LLGL2: variants seen among roughly 807,000 people sequenced by gnomAD.
The protein encoded by LLGL2 is LLGL scribble cell polarity complex component 2.
In LLGL2, 81 loss-of-function variants were observed where a neutral mutation model predicts 123.2. The ratio of observed to expected loss-of-function variants is 0.66; its 90% confidence interval spans 0.55 to 0.79. The LOEUF is 0.79. Among genes scored for constraint, LLGL2 ranks in the 30% least tolerant of loss-of-function variants. The pLI, the probability that LLGL2 is intolerant of heterozygous loss-of-function variation, is 0.00. For missense variants in LLGL2, 1,273 were observed against 1,414.6 expected, an observed-to-expected ratio of 0.90 and a Z score of 1.61; for synonymous variants, 577 against 594.1, an observed-to-expected ratio of 0.97 and a Z score of 0.42.
rs1313106132 is a variant in LLGL2 at position 75,549,091 on chromosome 17, G to A, written c.75+5590G>A. Among the ~76,000 whole-genome samples the A allele has an allele frequency of 6.6e-6, 1 of 152,082 alleles. No homozygotes were observed. The highest frequency in any genetic ancestry group is 2.4e-5 in the African/African-American group (1 of 41,398). On this transcript the variant is annotated intron_variant, in intron 2 of 25. Transcript: ENST00000392550. This position sits in a 1 kb window ranked among gnomAD's most constrained non-coding sequence, Gnocchi z 4.0. Reference sequence around the variant, plus strand: ...GTTTCACCTGTGGTCTGGCTGTGTGGCCTTAGAGTGGTGGCTTCACCTCCC... The same window carrying A: ...GTTTCACCTGTGGTCTGGCTGTGTGACCTTAGAGTGGTGGCTTCACCTCCC...
At chr17:75,568,719 C>T (rs1251884866) in intron 11 of LLGL2, 26 bp downstream of exon 11, 1 of 1,613,356 alleles carries the variant, frequency 6.2e-7, no homozygotes, top group Non-Finnish European at 8.5e-7. Flanking sequence ...GCCCCAGCCC[C>T]AGCCCCACCG....
At chr17:75,535,883 A>G (rs1247790105) in intron 1 of LLGL2, among the ~76,000 whole-genome samples, 1 of 152,162 alleles carries the variant, frequency 6.6e-6, no homozygotes, top group Non-Finnish European at 1.5e-5. Context: ...TTTGCCGGCC[A>G]GGTGCAGACG....
At chr17:75,525,411 G>A (rs889164573), upstream of LLGL2, among the ~76,000 whole-genome samples, 43 of 152,216 alleles carry the variant, frequency 2.8e-4, no homozygotes, top group African/African-American at 9.6e-4. This position sits in a 1 kb window ranked among gnomAD's most constrained non-coding sequence, Gnocchi z 4.8. Context: ...AGGCGTTCCG[G>A]GAACTATTTC....
In LLGL2 at chr17:75,560,163, C is replaced by T. The variant is rs79315745; in HGVS notation, c.530+753C>T. ...CCCTGGGTGGTGATGAAGCAGGGCC[C>T]GTCTGCCCAGGGCAGGGCATGACTG... On this transcript the variant is annotated intron_variant, in intron 6 of 25. Transcript: ENST00000392550. 1.8e-4 allele frequency among the ~76,000 whole-genome samples: 28 copies of T among 152,322 alleles called. No homozygotes were observed. The East Asian group carries it at 4.3e-3, about 23-fold the overall frequency.
rs1159556057 is a variant in LLGL2, at chr17:75,549,494, C to T, written c.75+5993C>T. ...TTAGGCCCTGAACAAACAGTGTGTT[C>T]CTGACCCAGCAGCCCCTGCGGAGGG... On this transcript the variant is annotated intron_variant, in intron 2 of 25. Coordinates refer to ENST00000392550, the MANE Select transcript of LLGL2 (RefSeq NM_001031803.2). This position sits in a 1 kb window ranked among gnomAD's most constrained non-coding sequence, Gnocchi z 4.0. Among the ~76,000 whole-genome samples, 1 of 147,516 alleles carries T rather than the reference C, an allele frequency of 6.8e-6. No homozygotes were observed. Among genetic ancestry groups the T allele is most frequent in the East Asian group, 2.1e-4 (1 of 4,700 alleles).
chr17:75,562,861 C>G, intron 6 of LLGL2, 155 bp from the exon 7 acceptor site: 1 of 925,078 alleles, frequency 1.1e-6, no homozygotes, highest in Non-Finnish European at 1.6e-6. Flanking sequence ...TGAGCCACCA[C>G]GCTCGGCCAT....
intron 1 of LLGL2, among the ~76,000 whole-genome samples, chr17:75,529,833 C>G (rs1027125991): frequency 3.3e-5 from 5 of 152,008 alleles, no homozygotes; most frequent in African/African-American, 1.2e-4. Flanking sequence ...TGCACTCCAG[C>G]CTGGTGACAG....
chr17:75,558,517 G>A lies in LLGL2; in HGVS notation c.261G>A (p.Gln87=). 6.3e-7 allele frequency: 1 copy of A among 1,592,260 alleles called. No homozygotes were observed. Among genetic ancestry groups the A allele is most frequent in the Non-Finnish European group, 8.5e-7 (1 of 1,170,174 alleles). ...TQIHLLPGQC[Q]LVTLLDDNSL... ...CCGTCGTGTGCCCTCGCCAGTGCCA[G>A]CTGGTCACCCTGCTGGATGACAACA... Residue 87 remains glutamine, a synonymous_variant, in exon 5 of 26, where the codon CAG becomes CAA. Transcript: ENST00000392550. This position sits in a 1 kb window ranked among gnomAD's most constrained non-coding sequence, Gnocchi z 4.0.
intron 2 of LLGL2, among the ~76,000 whole-genome samples, chr17:75,552,053 C>T (rs554242536): frequency 2.0e-5 from 3 of 149,822 alleles, no homozygotes; most frequent in East Asian, 2.0e-4. Flanking sequence ...CATTTGAACC[C>T]GGGAGGTGGA....
chr17:75,566,854 C>T (rs992047733), intron 10 of LLGL2, among the ~76,000 whole-genome samples: 1 of 152,092 alleles, frequency 6.6e-6, no homozygotes, highest in African/African-American at 2.4e-5. Context: ...AAGGGAGATG[C>T]TGAGTAGACA....
At chr17:75,534,628 A>G (rs947075732) in intron 1 of LLGL2, among the ~76,000 whole-genome samples, 1 of 152,148 alleles carries the variant, frequency 6.6e-6, no homozygotes, top group East Asian at 1.9e-4. Context: ...CTACAAGTGT[A>G]TGCCACCATG....
Position 75,563,791 on chromosome 17 carries a change from T to C in LLGL2, c.866T>C (p.Leu289Pro), listed in dbSNP as rs769429997. Residue 289 changes from leucine to proline, a missense_variant, in exon 9 of 26, where the codon CTG becomes CCG. Transcript: ENST00000392550. ...AAAGCGATTACCAGAATCCTCTGGCTGACCACTAGGCAGGGGTAGGTATCC... is the reference window on the plus strand; with the variant it reads ...AAAGCGATTACCAGAATCCTCTGGCCGACCACTAGGCAGGGGTAGGTATCC... Reference protein sequence around the residue: ...PCKAITRILWLTTRQGLPFTI... With the variant: ...PCKAITRILWPTTRQGLPFTI... 52 of 1,613,938 alleles carry C rather than the reference T, an allele frequency of 3.2e-5. No individual in the cohort carries two copies. Among genetic ancestry groups the C allele is most frequent in the Non-Finnish European group, 4.1e-5 (48 of 1,180,046 alleles).
In LLGL2 at chr17:75,558,837, CCG is replaced by C. The variant is rs1452001586; in HGVS notation, c.371+212_371+213del. ...TCCATCCACACCACGCCTCCTCCATCCGCACCCCACCTCCTCCATCCGCACCC... is the reference window on the plus strand; with the variant it reads ...TCCATCCACACCACGCCTCCTCCATCCACCCCACCTCCTCCATCCGCACCC... On this transcript the variant is annotated intron_variant, in intron 5 of 25. Coordinates refer to ENST00000392550, the MANE Select transcript of LLGL2 (RefSeq NM_001031803.2). This position sits in a 1 kb window ranked among gnomAD's most constrained non-coding sequence, Gnocchi z 4.0. 0.027 allele frequency: 10,475 copies of C among 383,462 alleles called. 688 individuals are homozygous for C. The highest frequency in any genetic ancestry group is 0.098 in the African/African-American group (3,224 of 33,054). 23.8% of individuals were successfully genotyped at this position (383,462 alleles called of 1,614,324 possible). A position where few individuals can be genotyped will look rare whatever the true frequency, so the allele number is the denominator to read the frequency against.
Position 75,564,946 on chromosome 17 carries a change from G to A in LLGL2, c.1036+439G>A, listed in dbSNP as rs1003122030. ...TCCCTTAGCCTCACTGCACCCCAAG[G>A]TGCAGTGTCATCAAGCCCTACAGCT... On this transcript the variant is annotated intron_variant, in intron 10 of 25. Transcript: ENST00000392550. The surrounding 1 kb of genome is among the most constrained non-coding windows in gnomAD (Gnocchi z 4.9). 3.3e-5 allele frequency among the ~76,000 whole-genome samples: 5 copies of A among 150,782 alleles called. No individual in the cohort carries two copies. Among genetic ancestry groups the A allele is most frequent in the Admixed American group, 3.3e-4 (5 of 15,144 alleles).
At chr17:75,556,440 G>C (rs1279765775) in intron 3 of LLGL2, among the ~76,000 whole-genome samples, 1 of 152,154 alleles carries the variant, frequency 6.6e-6, no homozygotes, top group Admixed American at 6.5e-5. Flanking sequence ...TGTCCTTTCA[G>C]GACCCTTCAT....
intron 17 of LLGL2, chr17:75,571,311 G>A (rs1267161458): frequency 8.4e-6 from 5 of 592,826 alleles, no homozygotes; most frequent in African/African-American, 3.7e-5. Context: ...TATCCAGGCC[G>A]TAGCACCCTT....
chr17:75,564,526 T>G lies in LLGL2; in HGVS notation c.1036+19T>G. ...GCAGCCAGTAGGAGAGCTTCGGGAG[T>G]GGGTGCCCAGGGTTAGGTGTGGGAG... On this transcript the variant is annotated intron_variant, in intron 10 of 25. Transcript: ENST00000392550. The surrounding 1 kb of genome is among the most constrained non-coding windows in gnomAD (Gnocchi z 4.9). The G allele has an allele frequency of 1.2e-6, 2 of 1,612,266 alleles. No individual in the cohort carries two copies. The highest frequency in any genetic ancestry group is 2.2e-5 in the South Asian group (2 of 91,014).
intron 1 of LLGL2, among the ~76,000 whole-genome samples, chr17:75,530,419 G>C (rs1340291124): frequency 6.6e-6 from 1 of 152,128 alleles, no homozygotes; most frequent in Non-Finnish European, 1.5e-5. Context: ...GGGAGGCCGA[G>C]GCAGGCGGAT....
At chr17:75,556,188 G>C in intron 3 of LLGL2, 45 bp downstream of exon 3, 1 of 1,485,954 alleles carries the variant, frequency 6.7e-7, no homozygotes. Flanking sequence ...GCCTTGGGGT[G>C]GGTGAGATTT....
Sources: allele counts gnomAD v4.1 joint callset (sites outside exome capture counted in the v4.1 genomes callset), GRCh38; gene constraint gnomAD v4.1.1; non-coding constraint Gnocchi (gnomAD v3.1); transcripts MANE v1.5; gene names NCBI Gene and HGNC (gene_info 2026-07-23, HGNC 2026-07-21).